The following NEGR1 variants were observed in gnomAD, a reference collection of about 807,000 sequenced individuals.
NEGR1 encodes IgLON family member 4.
A neutral mutation model predicts 40.9 loss-of-function variants in NEGR1; 10 were observed. The ratio of observed to expected loss-of-function variants is 0.24; its 90% CI spans 0.15 to 0.42. NEGR1 has a LOEUF of 0.42. NEGR1 is among the 10% of genes least tolerant of loss of function. The pLI, the probability that NEGR1 is intolerant of heterozygous loss-of-function variation, is 1.00. For synonymous variants in NEGR1, 185 were observed against 166.8 expected, an observed-to-expected ratio of 1.11 and a Z score of -0.84; for missense variants, 352 against 438.9, an observed-to-expected ratio of 0.80 and a Z score of 1.77.
chr1:72,087,755 T>C (rs1648283894), intron 1 of NEGR1, among the ~76,000 whole-genome samples: 1 of 144,576 alleles, frequency 6.9e-6, no homozygotes, highest in Admixed American at 6.9e-5. Flanking sequence ...ACTGTGCTTT[T>C]TTTTTTTTTT....
intron 2 of NEGR1, among the ~76,000 whole-genome samples, chr1:71,845,831 C>A (rs1659388677): frequency 6.6e-6 from 1 of 151,912 alleles, no homozygotes; most frequent in South Asian, 2.1e-4. Context: ...ACGATCACAG[C>A]TCACTGCAGC....
intron 1 of NEGR1, among the ~76,000 whole-genome samples, chr1:72,198,821 A>G (rs1466363994): frequency 6.6e-6 from 1 of 152,176 alleles, no homozygotes; most frequent in East Asian, 1.9e-4. Flanking sequence ...TCAAATATTT[A>G]TCTTAAAATA....
At chr1:71,517,237 T>G (rs1354482400) in intron 6 of NEGR1, among the ~76,000 whole-genome samples, 7 of 12,462 alleles carry the variant, frequency 5.6e-4, no homozygotes, top group Admixed American at 2.8e-3. Flanking sequence ...GAGGCCAGCA[T>G]CATTCTGATA....
At chr1:71,669,489 T>C (rs1445304583) in intron 4 of NEGR1, among the ~76,000 whole-genome samples, 1 of 152,174 alleles carries the variant, frequency 6.6e-6, no homozygotes, top group Non-Finnish European at 1.5e-5. Context: ...AATATGTTAC[T>C]GTCTTTTGAT....
At chr1:71,445,296 A>G (rs543739443) in intron 6 of NEGR1, among the ~76,000 whole-genome samples, 69 of 148,024 alleles carry the variant, frequency 4.7e-4, no homozygotes, top group African/African-American at 1.4e-3. Flanking sequence ...CACAAGCTCA[A>G]TGCTTTTTTT....
intron 2 of NEGR1, among the ~76,000 whole-genome samples, chr1:71,875,276 G>C (rs1426756977): frequency 1.3e-5 from 2 of 152,042 alleles, no homozygotes; most frequent in Non-Finnish European, 2.9e-5. Context: ...TAAATCCTGG[G>C]CCCAATTTGT....
At chr1:71,684,026 T>C (rs1652933359) in intron 4 of NEGR1, among the ~76,000 whole-genome samples, 1 of 152,158 alleles carries the variant, frequency 6.6e-6, no homozygotes, top group South Asian at 2.1e-4. Flanking sequence ...ATCCCAGTAC[T>C]TTGGGATGCC....
At chr1:72,232,628 TC>T (rs1654404970) in intron 1 of NEGR1, among the ~76,000 whole-genome samples, 2 of 152,200 alleles carry the variant, frequency 1.3e-5, no homozygotes, top group Admixed American at 1.3e-4. Flanking sequence ...GTAATAGCAA[TC>T]ATTTTAATTG....
chr1:71,779,567 T>A (rs953773385), intron 2 of NEGR1, among the ~76,000 whole-genome samples: 1 of 6,204 alleles, frequency 1.6e-4, no homozygotes, highest in African/African-American at 1.8e-4. Flanking sequence ...AGATAAAAAC[T>A]TTTTTTTTTT....
chr1:71,591,421 T>C (rs1649495840), intron 6 of NEGR1, among the ~76,000 whole-genome samples: 2 of 152,188 alleles, frequency 1.3e-5, no homozygotes, highest in African/African-American at 4.8e-5. Flanking sequence ...GAAATTTAAA[T>C]AGCAAAACGT....
At chr1:71,543,032 A>G (rs753380374) in intron 6 of NEGR1, among the ~76,000 whole-genome samples, 27 of 151,688 alleles carry the variant, frequency 1.8e-4, no homozygotes, top group Admixed American at 1.1e-3. Flanking sequence ...GACATGAAAA[A>G]CCACTTTTGC....
intron 6 of NEGR1, among the ~76,000 whole-genome samples, chr1:71,428,706 T>A (rs1162396119): frequency 6.6e-6 from 1 of 150,734 alleles, no homozygotes; most frequent in Non-Finnish European, 1.5e-5. Context: ...TATTTACTCC[T>A]CACAACAGCC....
intron 1 of NEGR1, among the ~76,000 whole-genome samples, chr1:72,190,609 A>G (rs1332279374): frequency 6.6e-6 from 1 of 151,668 alleles, no homozygotes; most frequent in Non-Finnish European, 1.5e-5. Flanking sequence ...ATTCCTAAAC[A>G]TATACTTCAA....
chr1:71,639,652 A>G (rs551750724), intron 4 of NEGR1, among the ~76,000 whole-genome samples: 1 of 152,152 alleles, frequency 6.6e-6, no homozygotes, highest in Admixed American at 6.6e-5. Flanking sequence ...GAGGGGGGAA[A>G]TTAGAGTCAC....
chr1:71,852,107 A>T (rs546561224), intron 2 of NEGR1, among the ~76,000 whole-genome samples: 18 of 152,306 alleles, frequency 1.2e-4, no homozygotes, highest in African/African-American at 4.3e-4. Flanking sequence ...CTTTTAAGTG[A>T]TTCTTACTTC....
intron 2 of NEGR1, among the ~76,000 whole-genome samples, chr1:71,907,350 A>G (rs1489768749): frequency 6.6e-6 from 1 of 152,198 alleles, no homozygotes; most frequent in Non-Finnish European, 1.5e-5. Context: ...AACATCAAAT[A>G]ACTTATTTGG....
At chr1:71,734,909 C>CT (rs11404278) in intron 3 of NEGR1, among the ~76,000 whole-genome samples, 57,373 of 151,692 alleles carry the variant, frequency 0.38, 11,221 homozygotes, top group East Asian at 0.61. Flanking sequence ...GTTACCTTAA[C>CT]TTTTTTTTCC....
intron 2 of NEGR1, among the ~76,000 whole-genome samples, chr1:71,824,469 C>G (rs560046327): frequency 6.6e-6 from 1 of 151,882 alleles, no homozygotes; most frequent in South Asian, 2.1e-4. Context: ...TTATATTGAG[C>G]CTCACTTTTC....
At chr1:71,598,545 A>T (rs1414040463) in intron 5 of NEGR1, among the ~76,000 whole-genome samples, 2 of 152,198 alleles carry the variant, frequency 1.3e-5, no homozygotes, top group African/African-American at 4.8e-5. Context: ...GATGAGAAAC[A>T]TAGAGTAGGT....
Sources: gnomAD v4.1 joint callset for allele counts (sites outside exome capture counted in the v4.1 genomes callset) on GRCh38, gnomAD v4.1.1 for gene constraint, MANE v1.5 for transcripts, NCBI Gene and HGNC (gene_info 2026-07-23, HGNC 2026-07-21) for gene names.